Variants in SPAG16 observed in about 807,000 individuals in gnomAD.
The protein encoded by SPAG16 is sperm associated antigen 16.
SPAG16 carries 86 observed loss-of-function variants against 80.4 expected under a neutral mutation model. The ratio of observed to expected loss-of-function variants is 1.07; its 90% CI spans 0.90 to 1.28. The LOEUF is 1.28. Ranked by LOEUF, SPAG16 falls within the 50% of genes most tolerant of loss-of-function variation. The pLI, the probability that SPAG16 is intolerant of heterozygous loss-of-function variation, is 0.00. For missense variants in SPAG16, 870 were observed against 765.3 expected, an observed-to-expected ratio of 1.14 and a Z score of -1.61; for synonymous variants, 294 against 265.9, an observed-to-expected ratio of 1.11 and a Z score of -1.03.
intron 11 of SPAG16, among the ~76,000 whole-genome samples, chr2:213,879,337 G>A (rs1166286147): frequency 6.6e-6 from 1 of 150,878 alleles, no homozygotes; most frequent in African/African-American, 2.4e-5. Flanking sequence ...GTGTTTTGTA[G>A]TTTTCTTTGT....
chr2:214,120,647 C>T (rs2054176928), intron 14 of SPAG16, among the ~76,000 whole-genome samples: 2 of 151,776 alleles, frequency 1.3e-5, no homozygotes, highest in Admixed American at 1.3e-4. Flanking sequence ...AAAATGTTCT[C>T]CTCTCTTGAG....
intron 10 of SPAG16, among the ~76,000 whole-genome samples, chr2:213,533,161 A>T (rs1022114571): frequency 7.9e-5 from 12 of 152,222 alleles, no homozygotes; most frequent in Non-Finnish European, 1.8e-4. Context: ...ACATATATGC[A>T]TGAATGGATG....
chr2:213,471,408 C>T (rs2073071025), intron 9 of SPAG16, among the ~76,000 whole-genome samples: 1 of 152,150 alleles, frequency 6.6e-6, no homozygotes, highest in Non-Finnish European at 1.5e-5. Flanking sequence ...GGTCAGAAAG[C>T]ACCCAGTTCA....
At chr2:213,495,783 T>C (rs2074452764) in intron 10 of SPAG16, among the ~76,000 whole-genome samples, 3 of 152,224 alleles carry the variant, frequency 2.0e-5, no homozygotes, top group Admixed American at 2.0e-4. Flanking sequence ...TGTGGAGCAC[T>C]AGGAAGAAAA....
At chr2:213,660,144 T>C (rs1284550194) in intron 10 of SPAG16, among the ~76,000 whole-genome samples, 1 of 152,172 alleles carries the variant, frequency 6.6e-6, no homozygotes, top group Non-Finnish European at 1.5e-5. Context: ...CAAAGAAATA[T>C]GGCAAAAGGA....
At chr2:213,753,179 AT>A (rs1166779454) in intron 10 of SPAG16, among the ~76,000 whole-genome samples, 4 of 151,886 alleles carry the variant, frequency 2.6e-5, no homozygotes, top group African/African-American at 9.7e-5. Flanking sequence ...CGCCCGGCTA[AT>A]TTTTTGTATT....
At chr2:213,883,056 C>T (rs968296550) in intron 11 of SPAG16, among the ~76,000 whole-genome samples, 19 of 151,868 alleles carry the variant, frequency 1.3e-4, no homozygotes, top group African/African-American at 3.9e-4. Flanking sequence ...TTAGTAGAGA[C>T]GGGGTTTCAC....
intron 15 of SPAG16, among the ~76,000 whole-genome samples, chr2:214,344,842 C>T (rs1334175288): frequency 6.6e-6 from 1 of 152,118 alleles, no homozygotes; most frequent in Non-Finnish European, 1.5e-5. Flanking sequence ...GAAGCTATTG[C>T]TCCTCATCTC....
chr2:214,290,233 T>C (rs1693692744), intron 15 of SPAG16, among the ~76,000 whole-genome samples: 1 of 152,172 alleles, frequency 6.6e-6, no homozygotes, highest in African/African-American at 2.4e-5. Context: ...TCTCTGATGA[T>C]CTTTTGTATT....
intron 15 of SPAG16, among the ~76,000 whole-genome samples, chr2:214,228,558 C>A (rs1202400547): frequency 6.6e-6 from 1 of 151,774 alleles, no homozygotes. Flanking sequence ...TATAAAATAA[C>A]AGTAGACTAT....
At chr2:214,061,260 G>A (rs550482467) in intron 13 of SPAG16, among the ~76,000 whole-genome samples, 1 of 152,252 alleles carries the variant, frequency 6.6e-6, no homozygotes, top group African/African-American at 2.4e-5. Flanking sequence ...GCTGAGATAT[G>A]GTGCTGGGAA....
chr2:214,098,292 TTTGCAAGGGG>T (rs1223407161), intron 13 of SPAG16, among the ~76,000 whole-genome samples: 3 of 152,228 alleles, frequency 2.0e-5, no homozygotes, highest in Admixed American at 2.0e-4. Context: ...TCTGTAGCTC[TTTGCAAGGGG>T]TTGAATTGTG....
chr2:213,815,096 A>T (rs746198395), intron 10 of SPAG16, among the ~76,000 whole-genome samples: 1 of 152,186 alleles, frequency 6.6e-6, no homozygotes, highest in African/African-American at 2.4e-5. Context: ...CCAACCTACA[A>T]TAACAGAATA....
chr2:214,098,327 T>C (rs571380881), intron 13 of SPAG16, among the ~76,000 whole-genome samples: 21 of 152,190 alleles, frequency 1.4e-4, no homozygotes, highest in African/African-American at 4.8e-4. Context: ...CTTAAATCCA[T>C]ATGTTGATGT....
intron 10 of SPAG16, among the ~76,000 whole-genome samples, chr2:213,829,498 G>A (rs762279680): frequency 7.2e-5 from 11 of 152,046 alleles, no homozygotes; most frequent in Non-Finnish European, 1.3e-4. Flanking sequence ...CCCCACTATG[G>A]CCAAGCAAGT....
intron 10 of SPAG16, among the ~76,000 whole-genome samples, chr2:213,635,053 T>C (rs1476718407): frequency 6.6e-6 from 1 of 151,144 alleles, no homozygotes; most frequent in Non-Finnish European, 1.5e-5. Flanking sequence ...TTTTTTTTTT[T>C]GAGACAGAGT....
rs1028794882 is a variant in SPAG16, at chr2:213,910,220, G to T, written c.1215-19740G>T. 4.6e-5 allele frequency among the ~76,000 whole-genome samples: 7 copies of T among 152,140 alleles called. No individual in the cohort carries two copies. The South Asian group carries it at 1.5e-3, about 32-fold the overall frequency. On this transcript the variant is annotated intron_variant, in intron 11 of 15. Coordinates refer to ENST00000331683, the MANE Select transcript of SPAG16 (RefSeq NM_024532.5). ...ATTGAATAGATAGACACAGGTCAAT[G>T]AGACTACAATATAACGATAGTAATT...
intron 15 of SPAG16, among the ~76,000 whole-genome samples, chr2:214,359,008 G>C (rs576204044): frequency 6.6e-6 from 1 of 151,882 alleles, no homozygotes; most frequent in East Asian, 1.9e-4. Flanking sequence ...AGTTATAAGA[G>C]GAAAGAAAGG....
At chr2:213,752,183 A>AT (rs2068107196) in intron 10 of SPAG16, among the ~76,000 whole-genome samples, 1 of 152,066 alleles carries the variant, frequency 6.6e-6, no homozygotes, top group African/African-American at 2.4e-5. Flanking sequence ...TATTCCGTTG[A>AT]TTTTTCTGCT....
Sources: allele counts gnomAD v4.1 joint callset (sites outside exome capture counted in the v4.1 genomes callset), GRCh38; gene constraint gnomAD v4.1.1; transcripts MANE v1.5; gene names NCBI Gene and HGNC (gene_info 2026-07-23, HGNC 2026-07-21).